Variants in NEDD9 observed in about 807,000 individuals in gnomAD.
NEDD9 encodes the protein neural precursor cell expressed, developmentally down-regulated 9.
Under a neutral mutation model 76.6 loss-of-function variants are expected in NEDD9, and 26 were observed. The observed-to-expected ratio is 0.34, with a 90% CI of 0.25 to 0.47. NEDD9 has a LOEUF of 0.47. Ranked by LOEUF, NEDD9 falls within the 20% of genes least tolerant of loss-of-function variation. The pLI is 1.00. For missense variants in NEDD9, 937 were observed against 1,058.5 expected, an observed-to-expected ratio of 0.89 and a Z score of 1.59; for synonymous variants, 392 against 414.2, an observed-to-expected ratio of 0.95 and a Z score of 0.65.
intron 2 of NEDD9, among the ~76,000 whole-genome samples, chr6:11,201,337 C>T (rs1207188004): frequency 6.6e-6 from 1 of 152,214 alleles, no homozygotes; most frequent in Non-Finnish European, 1.5e-5. Flanking sequence ...CCACAGCAAG[C>T]CTCATATCCA....
chr6:11,287,841 G>C (rs1339791070), intron 3 of NEDD9, among the ~76,000 whole-genome samples: 2 of 152,176 alleles, frequency 1.3e-5, no homozygotes, highest in African/African-American at 4.8e-5. Flanking sequence ...CCAGCTTCTG[G>C]AAGTTGAATT....
rs764384303 is a variant in NEDD9 at position 11,185,685 on chromosome 6, G to A, written c.1996-14C>T. The A allele has an allele frequency of 1.2e-6, 2 of 1,613,634 alleles. No individual in the cohort carries two copies. The highest frequency in any genetic ancestry group is 8.5e-7 in the Non-Finnish European group (1 of 1,179,840). On this transcript the variant is annotated splice_polypyrimidine_tract_variant and intron_variant, in intron 6 of 6. Transcript: ENST00000379446. ...GAACTGGCTCAGCTGCAAGGAAGACGAAAGCAGATCTCATTAGAGCAAGGG... is the reference window on the plus strand; with the variant it reads ...GAACTGGCTCAGCTGCAAGGAAGACAAAAGCAGATCTCATTAGAGCAAGGG...
intron 3 of NEDD9, chr6:11,305,903 G>A: frequency 1.4e-6 from 2 of 1,460,432 alleles, no homozygotes; most frequent in Non-Finnish European, 1.9e-6. Context: ...AAAAAAACAT[G>A]ATTTGTATTA....
intron 3 of NEDD9, among the ~76,000 whole-genome samples, chr6:11,247,246 G>A (rs867174391): frequency 6.6e-6 from 1 of 151,930 alleles, no homozygotes; most frequent in Non-Finnish European, 1.5e-5. Context: ...TAAAATTGAC[G>A]CCAGCCTCTC....
intron 1 of NEDD9, among the ~76,000 whole-genome samples, chr6:11,214,842 T>C (rs1404123712): frequency 1.3e-5 from 2 of 152,210 alleles, no homozygotes; most frequent in Non-Finnish European, 1.5e-5. Flanking sequence ...ATGCACTTAA[T>C]GTCATTGAGG....
intron 1 of NEDD9, among the ~76,000 whole-genome samples, chr6:11,342,414 A>G (rs1328344053): frequency 6.6e-6 from 1 of 152,208 alleles, no homozygotes; most frequent in Non-Finnish European, 1.5e-5. Flanking sequence ...ATAAAGTAGA[A>G]TGTTAAAAGC....
At chr6:11,294,172 A>T (rs10947086) in intron 3 of NEDD9, among the ~76,000 whole-genome samples, 11,072 of 152,172 alleles carry the variant, frequency 0.073, 690 homozygotes, top group East Asian at 0.33. Flanking sequence ...TACTGATTTC[A>T]TTTCCTTTGG....
intron 2 of NEDD9, among the ~76,000 whole-genome samples, chr6:11,209,126 A>G (rs1758697602): frequency 1.3e-5 from 2 of 152,216 alleles, no homozygotes; most frequent in Non-Finnish European, 2.9e-5. Flanking sequence ...TAAGCCCTAA[A>G]TAAAACAATT....
intron 1 of NEDD9, among the ~76,000 whole-genome samples, chr6:11,350,732 C>A (rs540753757): frequency 6.6e-6 from 1 of 152,124 alleles, no homozygotes; most frequent in African/African-American, 2.4e-5. Context: ...GGGGATATGA[C>A]TAAGACACTG....
At chr6:11,270,304 A>G (rs936205168) in intron 3 of NEDD9, among the ~76,000 whole-genome samples, 3 of 152,216 alleles carry the variant, frequency 2.0e-5, no homozygotes, top group African/African-American at 7.2e-5. Context: ...ACTGTAATTA[A>G]AGGGAGCTAG....
chr6:11,274,886 G>C (rs559218738), intron 3 of NEDD9, among the ~76,000 whole-genome samples: 1 of 152,050 alleles, frequency 6.6e-6, no homozygotes, highest in Non-Finnish European at 1.5e-5. Context: ...CACACTTCTA[G>C]GTACAAATCT....
intron 5 of NEDD9, among the ~76,000 whole-genome samples, chr6:11,189,159 C>T (rs1336322495): frequency 6.6e-6 from 1 of 152,152 alleles, no homozygotes; most frequent in African/African-American, 2.4e-5. Context: ...ATTGGCCAGG[C>T]TGGTCTTGAA....
chr6:11,200,201 C>T (rs1581951123), intron 2 of NEDD9: 2 of 422,664 alleles, frequency 4.7e-6, no homozygotes, highest in Admixed American at 5.1e-5. Flanking sequence ...GGACCCCAAA[C>T]CACCCCCGAC....
At chr6:11,332,448 T>C (rs554619045) in intron 2 of NEDD9, among the ~76,000 whole-genome samples, 1 of 152,340 alleles carries the variant, frequency 6.6e-6, no homozygotes, top group African/African-American at 2.4e-5. Context: ...GATGTACCAC[T>C]CTCATCTCTC....
At chr6:11,243,098 A>G (rs1459248475) in intron 3 of NEDD9, among the ~76,000 whole-genome samples, 4 of 152,118 alleles carry the variant, frequency 2.6e-5, no homozygotes. Flanking sequence ...GGTCTTCAGG[A>G]TCTTCCCTTT....
rs558750561 is a variant in NEDD9 at position 11,197,143 on chromosome 6, G to C, written c.460-3451C>G. Among the ~76,000 whole-genome samples, 9 of 152,150 alleles carry C rather than the reference G, an allele frequency of 5.9e-5. No homozygotes were observed. In the East Asian group the frequency reaches 1.7e-3, roughly 29 times the overall value. On this transcript the variant is annotated intron_variant, in intron 2 of 6. Coordinates refer to ENST00000379446, the MANE Select transcript of NEDD9 (RefSeq NM_006403.4). ...CTCAAGTTTGGAAGAATTCTCCTAG[G>C]CATTTGTTCGGTGAGGCATTAAAGG... is the stretch of plus-strand genomic sequence containing the variant.
At chr6:11,294,467 T>G (rs1475722471) in intron 3 of NEDD9, among the ~76,000 whole-genome samples, 2 of 152,092 alleles carry the variant, frequency 1.3e-5, no homozygotes, top group African/African-American at 4.8e-5. Context: ...CCCTTTGCTC[T>G]CTCCCTCTCC....
chr6:11,271,132 C>T (rs1760298040), intron 3 of NEDD9, among the ~76,000 whole-genome samples: 1 of 152,206 alleles, frequency 6.6e-6, no homozygotes, highest in Admixed American at 6.5e-5. Flanking sequence ...CTCCTGGGCT[C>T]AAGTGATCCT....
At chr6:11,216,780 C>A (rs896515645) in intron 1 of NEDD9, among the ~76,000 whole-genome samples, 2 of 152,224 alleles carry the variant, frequency 1.3e-5, no homozygotes, top group Non-Finnish European at 2.9e-5. Context: ...TCCCTCCCCG[C>A]CTTGCCTCCT....
Sources: allele counts gnomAD v4.1 joint callset (sites outside exome capture counted in the v4.1 genomes callset), GRCh38; gene constraint gnomAD v4.1.1; transcripts MANE v1.5; gene names NCBI Gene and HGNC (gene_info 2026-07-23, HGNC 2026-07-21).